The following CEP112 variants were observed in gnomAD, a reference collection of about 807,000 sequenced individuals.
CEP112 encodes the protein centrosomal protein 112.
A neutral mutation model predicts 153.0 loss-of-function variants in CEP112; 127 were observed. The ratio of observed to expected loss-of-function variants is 0.83; its 90% confidence interval spans 0.72 to 0.96. CEP112 has a LOEUF of 0.96. Ranked by LOEUF, CEP112 falls within the 40% of genes least tolerant of loss-of-function variation. The probability of loss-of-function intolerance (pLI) is 0.00; values close to 1 mark genes in which losing one functional copy is unlikely to be tolerated. For synonymous variants in CEP112, 358 were observed against 374.4 expected (o/e 0.96, Z 0.51); for missense variants, 1,089 against 1,101.2 (o/e 0.99, Z 0.16).
rs569736671 is a variant in CEP112 at position 65,944,307 on chromosome 17, T to C, written c.1873-16618A>G. Among the ~76,000 whole-genome samples, 3 of 152,316 alleles carry C rather than the reference T, an allele frequency of 2.0e-5. No homozygotes were observed. The Middle Eastern group carries it at 0.01, about 518-fold the overall frequency. ...CACACCTGCATGTCCTACACATGTA[T>C]CCCAGAATTAAAATCAAATCAAATT... On this transcript the variant is annotated intron_variant, in intron 18 of 26. Transcript: ENST00000535342.
intron 24 of CEP112, 141 bp downstream of exon 24, chr17:65,688,988 G>A (rs2047957723): frequency 1.4e-5 from 8 of 570,830 alleles, no homozygotes; most frequent in Middle Eastern, 3.0e-4. Flanking sequence ...GGCTAGTCTC[G>A]AACTCCTAAC....
intron 18 of CEP112, among the ~76,000 whole-genome samples, chr17:65,960,390 C>A (rs1340596562): frequency 6.6e-6 from 1 of 152,006 alleles, no homozygotes; most frequent in Non-Finnish European, 1.5e-5. Context: ...CATATTAATG[C>A]ATAAATAATA....
intron 24 of CEP112, among the ~76,000 whole-genome samples, chr17:65,664,534 C>T (rs1166546517): frequency 6.6e-6 from 1 of 152,096 alleles, no homozygotes; most frequent in Non-Finnish European, 1.5e-5. Context: ...TGTCCAAATC[C>T]AAGGTGATTA....
At position 65,902,305 on chromosome 17, in the gene CEP112, C is replaced by T. The variant is rs755176722; in HGVS notation, c.2010G>A (p.Gln670=). 1.2e-6 allele frequency: 2 copies of T among 1,613,430 alleles called. No individual in the cohort carries two copies. Among genetic ancestry groups the T allele is most frequent in the Non-Finnish European group, 1.7e-6 (2 of 1,179,856 alleles). ...GCTGCTGTAATAGGTGCGTCTTCTCCTGTTCATGCTCCAGCTTCAGCTCTA... is the reference window on the plus strand; with the variant it reads ...GCTGCTGTAATAGGTGCGTCTTCTCTTGTTCATGCTCCAGCTTCAGCTCTA... ...QIVELKLEHE[Q]EKTHLLQQHN... Residue 670 remains glutamine, a synonymous_variant, in exon 20 of 27, where the codon CAG becomes CAA. Coordinates refer to ENST00000535342, the MANE Select transcript of CEP112 (RefSeq NM_001199165.4).
rs11399557 is a variant in CEP112, at chr17:65,999,563, ATT to A, written c.1736+6125_1736+6126del. Among the ~76,000 whole-genome samples, 19 of 147,684 alleles carry A rather than the reference ATT, an allele frequency of 1.3e-4. No individual in the cohort carries two copies. In the East Asian group the frequency reaches 3.6e-3, roughly 28 times the overall value. ...ATTTGAGTGATATAATCCTGAAAGCATTTTTTTTTTTTACTTAACTTTTAAGT... is the reference window on the plus strand; with the variant it reads ...ATTTGAGTGATATAATCCTGAAAGCATTTTTTTTTTACTTAACTTTTAAGT... On this transcript the variant is annotated intron_variant, in intron 17 of 26. Transcript: ENST00000535342.
chr17:66,008,705 C>T (rs1194715486), intron 16 of CEP112, among the ~76,000 whole-genome samples: 5 of 152,168 alleles, frequency 3.3e-5, no homozygotes, highest in Non-Finnish European at 7.4e-5. Flanking sequence ...CCTCCCCACC[C>T]AGCCCCTGGT....
At chr17:66,097,079 A>G (rs1247060635) in intron 6 of CEP112, among the ~76,000 whole-genome samples, 1 of 152,178 alleles carries the variant, frequency 6.6e-6, no homozygotes, top group Non-Finnish European at 1.5e-5. Context: ...TGGTACATGA[A>G]TTCTTAAACA....
At chr17:66,145,692 T>G (rs2070889911) in intron 4 of CEP112, among the ~76,000 whole-genome samples, 1 of 152,102 alleles carries the variant, frequency 6.6e-6, no homozygotes. Flanking sequence ...CATCTATCCT[T>G]TCACCAATAC....
chr17:65,693,897 G>C (rs1318890782), intron 23 of CEP112, among the ~76,000 whole-genome samples: 1 of 152,066 alleles, frequency 6.6e-6, no homozygotes, highest in African/African-American at 2.4e-5. Context: ...ACCATGGGAG[G>C]ACACAGTACA....
At chr17:66,155,704 G>C (rs1214422576) in intron 4 of CEP112, among the ~76,000 whole-genome samples, 2 of 152,172 alleles carry the variant, frequency 1.3e-5, no homozygotes, top group Non-Finnish European at 2.9e-5. Flanking sequence ...GCTTGAGCTT[G>C]GTTGGGGGAG....
chr17:65,826,015 C>A (rs2056822084), intron 21 of CEP112: 23 of 926,878 alleles, frequency 2.5e-5, no homozygotes, highest in Non-Finnish European at 3.8e-5. Flanking sequence ...GTTCCATCAT[C>A]CCTGCCCTAT....
At chr17:65,815,518 C>G (rs2056216508) in intron 21 of CEP112, among the ~76,000 whole-genome samples, 1 of 151,978 alleles carries the variant, frequency 6.6e-6, no homozygotes, top group Non-Finnish European at 1.5e-5. Context: ...AAATTTAGAG[C>G]CAGCTTGTCA....
intron 17 of CEP112, among the ~76,000 whole-genome samples, chr17:66,000,492 TAA>T (rs74269525): frequency 0.018 from 2,544 of 139,704 alleles, 67 homozygotes; most frequent in African/African-American, 0.062. Context: ...GTCAGTAGAT[TAA>T]AAAAAAAAAA....
rs999771910 is a variant in CEP112, at chr17:65,970,042, C to T, written c.1737-8444G>A. The stretch of plus-strand genomic sequence containing the variant: ...GAACATGCACGCCACATGCATATTG[C>T]ATGCATGCCACATCACATGTGTATT... On this transcript the variant is annotated intron_variant, in intron 17 of 26. Transcript: ENST00000535342. 5.3e-5 allele frequency among the ~76,000 whole-genome samples: 8 copies of T among 152,222 alleles called. 1 individual carries two copies. The highest frequency in any genetic ancestry group is 1.9e-4 in the African/African-American group (8 of 41,462).
At chr17:65,953,296 G>A (rs2061897037) in intron 18 of CEP112, among the ~76,000 whole-genome samples, 1 of 152,140 alleles carries the variant, frequency 6.6e-6, no homozygotes, top group Non-Finnish European at 1.5e-5. Context: ...GTGTCAAATG[G>A]TAGAAAGTTG....
At chr17:65,738,410 C>T (rs1280934770) in intron 23 of CEP112, among the ~76,000 whole-genome samples, 2 of 152,098 alleles carry the variant, frequency 1.3e-5, no homozygotes, top group African/African-American at 2.4e-5. Flanking sequence ...AACAATTCCT[C>T]TGTTTTACTC....
chr17:65,829,594 C>T (rs903638466), intron 21 of CEP112, among the ~76,000 whole-genome samples: 5 of 151,966 alleles, frequency 3.3e-5, no homozygotes, highest in South Asian at 2.1e-4. Flanking sequence ...AAATGCTATT[C>T]GAAATGTTGA....
At chr17:65,801,349 C>T (rs1376068099) in intron 21 of CEP112, among the ~76,000 whole-genome samples, 2 of 152,190 alleles carry the variant, frequency 1.3e-5, no homozygotes, top group Non-Finnish European at 2.9e-5. Context: ...TGAGCCACTG[C>T]ACCCAGCCAT....
chr17:65,871,040 T>G lies in CEP112; in HGVS notation c.2164-19006A>C, dbSNP rs542905950. Reference sequence around the variant, plus strand: ...CTAAGGTTGCAACCACCCACCCACATTTTATGAGTGTCATTCAGAACACAC... The same window carrying G: ...CTAAGGTTGCAACCACCCACCCACAGTTTATGAGTGTCATTCAGAACACAC... On this transcript the variant is annotated intron_variant, in intron 20 of 26. Transcript: ENST00000535342. Among the ~76,000 whole-genome samples, 5 of 152,308 alleles carry G rather than the reference T, an allele frequency of 3.3e-5. No homozygotes were observed. The South Asian group carries it at 8.3e-4, about 25-fold the overall frequency.
Sources: allele counts gnomAD v4.1 joint callset (sites outside exome capture counted in the v4.1 genomes callset), GRCh38; gene constraint gnomAD v4.1.1; transcripts MANE v1.5; gene names NCBI Gene and HGNC (gene_info 2026-07-23, HGNC 2026-07-21).